VPS13B: variants seen among roughly 807,000 people sequenced by gnomAD.
VPS13B encodes intermembrane lipid transfer protein VPS13B.
Under a neutral mutation model 426.4 loss-of-function variants are expected in VPS13B, and 285 were observed. The observed-to-expected ratio is 0.67, with a 90% CI of 0.61 to 0.74. VPS13B has a LOEUF of 0.74. VPS13B is among the 30% of genes least tolerant of loss of function. The probability of loss-of-function intolerance (pLI) is 0.00; values close to 1 mark genes in which losing one functional copy is unlikely to be tolerated. For missense variants in VPS13B, 4,537 were observed against 4,782.6 expected (o/e 0.95, Z 1.51); for synonymous variants, 1,676 against 1,676.4 (o/e 1.00, Z 0.01).
chr8:99,541,466 A>C (rs940887534), intron 30 of VPS13B, among the ~76,000 whole-genome samples: 1 of 152,080 alleles, frequency 6.6e-6, no homozygotes, highest in Admixed American at 6.6e-5. Context: ...CTCTGCATGC[A>C]TTAGGTGTTT....
chr8:99,281,851 A>G (rs904230025), intron 19 of VPS13B, among the ~76,000 whole-genome samples: 3 of 152,150 alleles, frequency 2.0e-5, no homozygotes, highest in Non-Finnish European at 2.9e-5. Context: ...TACCAAGATT[A>G]TGTTATTGAC....
chr8:99,598,631 G>A (rs1827132192), intron 33 of VPS13B, among the ~76,000 whole-genome samples: 1 of 151,896 alleles, frequency 6.6e-6, no homozygotes, highest in African/African-American at 2.4e-5. Flanking sequence ...CCACATCATT[G>A]GAGATCTGAT....
chr8:99,130,483 G>A (rs1410476637), intron 8 of VPS13B, among the ~76,000 whole-genome samples: 2 of 151,576 alleles, frequency 1.3e-5, no homozygotes, highest in African/African-American at 4.9e-5. Context: ...TGCCTCCCGG[G>A]TTCACGCCAT....
chr8:99,400,938 C>T (rs576019001), intron 21 of VPS13B, among the ~76,000 whole-genome samples: 47 of 152,308 alleles, frequency 3.1e-4, no homozygotes, highest in African/African-American at 1.1e-3. Context: ...TCCCAAAGTG[C>T]TTGTATTACA....
At chr8:99,820,414 C>A (rs901071972) in intron 49 of VPS13B, among the ~76,000 whole-genome samples, 1 of 152,096 alleles carries the variant, frequency 6.6e-6, no homozygotes, top group Non-Finnish European at 1.5e-5. Context: ...GCTGCTCTAT[C>A]AGTACATATT....
At chr8:99,326,211 G>T (rs1487303423) in intron 19 of VPS13B, among the ~76,000 whole-genome samples, 1 of 151,972 alleles carries the variant, frequency 6.6e-6, no homozygotes, top group Admixed American at 6.6e-5. Context: ...GAGGAACCCT[G>T]CTTGAAAAAA....
intron 19 of VPS13B, among the ~76,000 whole-genome samples, chr8:99,366,717 GTAT>G (rs1812913845): frequency 6.6e-6 from 1 of 151,000 alleles, no homozygotes; most frequent in Admixed American, 6.6e-5. Flanking sequence ...TTCTATGATG[GTAT>G]TATTTAATTT....
intron 15 of VPS13B, 26 bp downstream of exon 15, chr8:99,156,769 G>C: frequency 6.2e-7 from 1 of 1,612,552 alleles, no homozygotes; most frequent in South Asian, 1.1e-5. Context: ...TTTCTTGTTT[G>C]TTAGCATGGG....
At chr8:99,115,915 C>A (rs1426577049) in intron 7 of VPS13B, 41 bp downstream of exon 7, 2 of 1,593,282 alleles carry the variant, frequency 1.3e-6, no homozygotes. Context: ...TATTTTAAGA[C>A]TATTCTTACG....
In VPS13B at chr8:99,820,068, G is replaced by T; in HGVS notation, c.8940G>T (p.Glu2980Asp). 6.2e-7 allele frequency: 1 copy of T among 1,613,962 alleles called. No individual in the cohort carries two copies. The highest frequency in any genetic ancestry group is 8.5e-7 in the Non-Finnish European group (1 of 1,179,880). Residue 2980 changes from glutamate (E) to aspartate (D), a missense_variant, in exon 49 of 62, where the codon GAG (glutamate) becomes GAT (aspartate). Coordinates refer to ENST00000357162, the MANE Select transcript of VPS13B (RefSeq NM_152564.5). Reference sequence around the variant, plus strand: ...GGGACCTCTGGCTATTTGAAGGAGAGAAAATTGTTCTACAGGTTCCTGCTG... The same window carrying T: ...GGGACCTCTGGCTATTTGAAGGAGATAAAATTGTTCTACAGGTTCCTGCTG... Reference protein sequence around the residue: ...SKWDLWLFEGEKIVLQVPAGK... With the variant: ...SKWDLWLFEGDKIVLQVPAGK...
chr8:99,781,681 C>G (rs915242900), intron 42 of VPS13B, among the ~76,000 whole-genome samples: 2 of 151,942 alleles, frequency 1.3e-5, no homozygotes, highest in Admixed American at 6.6e-5. Context: ...TTCCTAAAAC[C>G]CTCATCATTT....
At chr8:99,872,713 C>T (rs1250689912) in intron 61 of VPS13B, among the ~76,000 whole-genome samples, 1 of 152,204 alleles carries the variant, frequency 6.6e-6, no homozygotes, top group Non-Finnish European at 1.5e-5. Flanking sequence ...TCTGCTGGCC[C>T]TAACCTGGGG....
At chr8:99,569,510 G>C (rs1266242465) in intron 31 of VPS13B, among the ~76,000 whole-genome samples, 2 of 151,262 alleles carry the variant, frequency 1.3e-5, no homozygotes, top group African/African-American at 4.8e-5. Context: ...TTCTTATTCT[G>C]ACTTTTTTGG....
At chr8:99,365,947 T>C (rs914924556) in intron 19 of VPS13B, among the ~76,000 whole-genome samples, 2 of 152,002 alleles carry the variant, frequency 1.3e-5, no homozygotes, top group African/African-American at 4.8e-5. Flanking sequence ...AGAAGATGCT[T>C]GATATTATCT....
intron 8 of VPS13B, among the ~76,000 whole-genome samples, chr8:99,132,269 A>G (rs932971144): frequency 5.3e-5 from 8 of 152,158 alleles, no homozygotes; most frequent in African/African-American, 1.9e-4. Context: ...GACTAAATAT[A>G]CAGAACATTC....
At chr8:99,206,398 A>G (rs941405767) in intron 17 of VPS13B, among the ~76,000 whole-genome samples, 1 of 152,204 alleles carries the variant, frequency 6.6e-6, no homozygotes, top group Non-Finnish European at 1.5e-5. Context: ...TAATGGTTGA[A>G]TAATAAATTT....
intron 55 of VPS13B, among the ~76,000 whole-genome samples, chr8:99,852,808 T>C (rs1816359706): frequency 6.6e-6 from 1 of 151,830 alleles, no homozygotes; most frequent in African/African-American, 2.4e-5. Context: ...AGTGGAGTCA[T>C]GAGGGATTTT....
At chr8:99,464,083 C>T (rs1024124652) in intron 23 of VPS13B, among the ~76,000 whole-genome samples, 1 of 152,076 alleles carries the variant, frequency 6.6e-6, no homozygotes, top group African/African-American at 2.4e-5. Context: ...TGTAGTACAT[C>T]TTTCTCTCGA....
chr8:99,083,144 G>A (rs1845579572), intron 3 of VPS13B, among the ~76,000 whole-genome samples: 2 of 152,178 alleles, frequency 1.3e-5, no homozygotes, highest in Admixed American at 6.5e-5. Context: ...TCACTGAGCA[G>A]TGGTTTGTAG....
Sources: gnomAD v4.1 joint callset for allele counts (sites outside exome capture counted in the v4.1 genomes callset) on GRCh38, gnomAD v4.1.1 for gene constraint, MANE v1.5 for transcripts, NCBI Gene and HGNC (gene_info 2026-07-23, HGNC 2026-07-21) for gene names.